FAT3: variants seen among roughly 807,000 people sequenced by gnomAD.
FAT3 encodes protocadherin Fat 3.
In FAT3, 95 loss-of-function variants were observed where a neutral mutation model predicts 310.2. That is an observed-to-expected ratio of 0.31 (90% CI 0.26 to 0.36). The LOEUF (loss-of-function observed/expected upper bound fraction) is 0.36, where lower values mean the gene tolerates loss of function less well. Among genes scored for constraint, FAT3 ranks in the 10% least tolerant of loss-of-function variants. The pLI is 1.00. For missense variants in FAT3, 5,408 were observed against 5,715.6 expected (o/e 0.95, Z 1.74); for synonymous variants, 2,314 against 2,192.9 (o/e 1.06, Z -1.54).
intron 2 of FAT3, among the ~76,000 whole-genome samples, chr11:92,432,620 G>A (rs1950816424): frequency 6.6e-6 from 1 of 152,192 alleles, no homozygotes; most frequent in African/African-American, 2.4e-5. Context: ...AATGCTGCCT[G>A]CTCCTTCCTT....
chr11:92,328,656 G>A (rs950289265), intron 1 of FAT3, among the ~76,000 whole-genome samples: 8 of 152,330 alleles, frequency 5.3e-5, no homozygotes, highest in African/African-American at 1.9e-4. Flanking sequence ...TACGAGGCAC[G>A]TGACAGCCGT....
Position 92,436,816 on chromosome 11 carries a change from T to G in FAT3, c.3292+81412T>G, listed in dbSNP as rs968443257. 1.2e-4 allele frequency among the ~76,000 whole-genome samples: 19 copies of G among 152,280 alleles called. 1 individual carries two copies. Among genetic ancestry groups the G allele is most frequent in the African/African-American group, 4.6e-4 (19 of 41,556 alleles). ...GGTTCCTGCTCTGTGTTGTTTTGCT[T>G]CCTGAGTACAAGCCAGGGTGGTGTG... is the stretch of plus-strand genomic sequence containing the variant. On this transcript the variant is annotated intron_variant, in intron 2 of 27. Coordinates refer to ENST00000525166, the MANE Select transcript of FAT3 (RefSeq NM_001367949.2).
rs7927413 is a variant in FAT3, at chr11:92,577,876, C to G, written c.3607+52928C>G. Among the ~76,000 whole-genome samples the G allele has an allele frequency of 6.0e-5, 9 of 151,150 alleles. No individual in the cohort carries two copies. In the South Asian group the frequency reaches 1.0e-3, roughly 18 times the overall value. Reference sequence around the variant, plus strand: ...GATTGTTTTATTTCTTTCTATTATGCCTTGTGGGAAAAAAGGGAGAGAGAG... The same window carrying G: ...GATTGTTTTATTTCTTTCTATTATGGCTTGTGGGAAAAAAGGGAGAGAGAG... On this transcript the variant is annotated intron_variant, in intron 3 of 27. Coordinates refer to ENST00000525166, the MANE Select transcript of FAT3 (RefSeq NM_001367949.2).
intron 2 of FAT3, among the ~76,000 whole-genome samples, chr11:92,490,192 C>T (rs950299012): frequency 6.6e-6 from 1 of 152,090 alleles, no homozygotes; most frequent in Non-Finnish European, 1.5e-5. Context: ...TTAATGCTGG[C>T]TTATATGCAG....
chr11:92,684,605 C>T (rs116751399), intron 3 of FAT3, among the ~76,000 whole-genome samples: 1,949 of 152,152 alleles, frequency 0.013, 39 homozygotes, highest in African/African-American at 0.044. Flanking sequence ...ATTTAGGAGT[C>T]GAACAGATCT....
chr11:92,620,701 T>C (rs1387819450), intron 3 of FAT3, among the ~76,000 whole-genome samples: 1 of 152,230 alleles, frequency 6.6e-6, no homozygotes, highest in African/African-American at 2.4e-5. Flanking sequence ...CTTATTCCTA[T>C]CAAAGACTCT....
intron 7 of FAT3, among the ~76,000 whole-genome samples, chr11:92,777,098 C>T (rs1946617593): frequency 6.6e-6 from 1 of 152,180 alleles, no homozygotes; most frequent in Non-Finnish European, 1.5e-5. Flanking sequence ...TGACGCTGGG[C>T]AACTTAATGA....
chr11:92,649,872 TTCATATA>T (rs1942305675), intron 3 of FAT3, among the ~76,000 whole-genome samples: 1 of 40,332 alleles, frequency 2.5e-5, no homozygotes, highest in African/African-American at 1.1e-4. Context: ...ACTTTGTATG[TTCATATA>T]TATATATATA....
intron 1 of FAT3, among the ~76,000 whole-genome samples, chr11:92,337,553 T>C (rs958805489): frequency 2.0e-5 from 3 of 152,216 alleles, no homozygotes; most frequent in African/African-American, 7.2e-5. Context: ...TGCCTCAGCC[T>C]CCTGAGTAGC....
chr11:92,814,229 A>T (rs1394339837), intron 13 of FAT3, among the ~76,000 whole-genome samples: 1 of 152,200 alleles, frequency 6.6e-6, no homozygotes, highest in African/African-American at 2.4e-5. Context: ...TGACTACAAA[A>T]TATACCGTTC....
chr11:92,889,438 A>G (rs1004580274), intron 26 of FAT3, among the ~76,000 whole-genome samples, 190 bp downstream of exon 26: 1 of 152,172 alleles, frequency 6.6e-6, no homozygotes, highest in South Asian at 2.1e-4. Flanking sequence ...TTTGTAAAAA[A>G]TATATAAGGT....
chr11:92,547,849 GA>G (rs1954664269), intron 3 of FAT3, among the ~76,000 whole-genome samples: 1 of 152,178 alleles, frequency 6.6e-6, no homozygotes, highest in Non-Finnish European at 1.5e-5. Flanking sequence ...AGAATTCCTG[GA>G]ACTAGAGTTT....
At chr11:92,384,629 C>T (rs1314336025) in intron 2 of FAT3, among the ~76,000 whole-genome samples, 1 of 152,130 alleles carries the variant, frequency 6.6e-6, no homozygotes, top group Non-Finnish European at 1.5e-5. Context: ...CTGCTATCAT[C>T]CCTGGAAGAC....
At chr11:92,657,345 T>G (rs1414598738) in intron 3 of FAT3, among the ~76,000 whole-genome samples, 5 of 152,178 alleles carry the variant, frequency 3.3e-5, no homozygotes, top group African/African-American at 1.2e-4. Flanking sequence ...ATGTAGTCAT[T>G]TCATGCTTCC....
intron 3 of FAT3, among the ~76,000 whole-genome samples, chr11:92,540,779 T>TG (rs199555315): frequency 0.033 from 1,207 of 36,194 alleles, 29 homozygotes; most frequent in South Asian, 0.17. Flanking sequence ...TGTTTTGTTT[T>TG]TTTTGACACA....
rs193197090 is a variant in FAT3, at chr11:92,399,489, C to T, written c.3292+44085C>T. ...TCATTTAATTTTCTTTCTGTGCACA[C>T]TCATATGAAATATTTAATTAAATTA... is the stretch of plus-strand genomic sequence containing the variant. On this transcript the variant is annotated intron_variant, in intron 2 of 27. Coordinates refer to ENST00000525166, the MANE Select transcript of FAT3 (RefSeq NM_001367949.2). Among the ~76,000 whole-genome samples, 430 of 152,210 alleles carry T rather than the reference C, an allele frequency of 2.8e-3. 1 individual carries two copies. Among genetic ancestry groups the T allele is most frequent in the African/African-American group, 9.5e-3 (394 of 41,520 alleles).
intron 2 of FAT3, among the ~76,000 whole-genome samples, chr11:92,489,893 T>C (rs1034407670): frequency 9.3e-5 from 14 of 151,340 alleles, no homozygotes; most frequent in South Asian, 2.1e-4. Context: ...TTTTCTTTTT[T>C]TTTTTTTTTA....
Position 92,896,287 on chromosome 11 carries a change from A to T in FAT3, c.*5174A>T, listed in dbSNP as rs1452375302. On this transcript the variant is annotated 3_prime_UTR_variant, in exon 28 of 28. Transcript: ENST00000525166. ...GCATATATTGCTGGTGGCAGTATTC[A>T]GTCTTGTGTTCTTTTTCTAAAAAAA... The T allele has an allele frequency of 6.6e-6, 1 of 151,212 alleles. No homozygotes were observed. Among genetic ancestry groups the T allele is most frequent in the South Asian group, 2.1e-4 (1 of 4,746 alleles). The allele number at this position is 151,212 out of a possible 1,614,324, so 9.4% of individuals were successfully genotyped here. A position where few individuals can be genotyped will look rare whatever the true frequency, so the allele number is the denominator to read the frequency against.
intron 2 of FAT3, among the ~76,000 whole-genome samples, chr11:92,457,692 C>T (rs146926328): frequency 1.2e-4 from 18 of 152,172 alleles, no homozygotes; most frequent in Middle Eastern, 3.4e-3. Context: ...GAGGCTGAGG[C>T]GGGCGGATCG....
Sources: allele counts gnomAD v4.1 joint callset (sites outside exome capture counted in the v4.1 genomes callset), GRCh38; gene constraint gnomAD v4.1.1; transcripts MANE v1.5; gene names NCBI Gene and HGNC (gene_info 2026-07-23, HGNC 2026-07-21).